Variants in NAA50 observed in about 807,000 individuals in gnomAD.
NAA50 encodes the protein N-alpha-acetyltransferase 50, NatE catalytic subunit, also known as N-alpha-acetyltransferase 50.
NAA50 carries 7 observed loss-of-function variants against 20.7 expected under a neutral mutation model. That is an observed-to-expected ratio of 0.34 (90% CI 0.19 to 0.63). The LOEUF (loss-of-function observed/expected upper bound fraction) is 0.63. NAA50 is among the 30% of genes least tolerant of loss of function. The probability of loss-of-function intolerance (pLI) is 0.75; values close to 1 mark genes in which losing one functional copy is unlikely to be tolerated. For synonymous variants in NAA50, 54 were observed against 70.6 expected (o/e 0.77, Z 1.18); for missense variants, 111 against 199.1 (o/e 0.56, Z 2.66).
rs1183754336 is a variant in NAA50 at position 113,722,930 on chromosome 3, T to C, written c.308A>G (p.Asp103Gly). Residue 103 changes from aspartate to glycine, a missense_variant, in exon 4 of 5, where the codon GAT (aspartate) becomes GGT (glycine). By Grantham distance (94) the Asp-to-Gly change is moderately conservative. Transcript: ENST00000240922. ...LNHVLNICEK[D>G]GTFDNIYLHV... ...CAGATAAATGTTGTCAAAAGTACCA[T>C]CTTTTTCACAGATGTTTAAGACATG... is the stretch of plus-strand genomic sequence containing the variant. 2 of 1,542,186 alleles carry C rather than the reference T, an allele frequency of 1.3e-6. No homozygotes were observed. Among genetic ancestry groups the C allele is most frequent in the Admixed American group, 1.9e-5 (1 of 53,504 alleles).
At chr3:113,726,428 T>A (rs986635646) in intron 1 of NAA50, among the ~76,000 whole-genome samples, 5 of 151,690 alleles carry the variant, frequency 3.3e-5, no homozygotes, top group African/African-American at 1.2e-4. Flanking sequence ...CCCCTCTTCA[T>A]AACACTTTTC....
chr3:113,727,763 G>A (rs952440342), intron 1 of NAA50, among the ~76,000 whole-genome samples: 6 of 151,666 alleles, frequency 4.0e-5, no homozygotes, highest in African/African-American at 1.5e-4. Flanking sequence ...GTATATACAC[G>A]CTTTAAACAA....
chr3:113,727,632 T>C (rs1708215776), intron 1 of NAA50, among the ~76,000 whole-genome samples: 1 of 138,982 alleles, frequency 7.2e-6, no homozygotes, highest in Non-Finnish European at 1.6e-5. Context: ...AATACATGCC[T>C]TTTTTTTTTT....
In NAA50 at chr3:113,746,134, G is replaced by A; in HGVS notation, c.-185C>T. On this transcript the variant is annotated 5_prime_UTR_variant, in exon 1 of 5. Transcript: ENST00000240922. ...GTGAGGGCTTGAGTCTGGTGGGGGCGGGAGTGTCTCCCGCCGCCGCGCTTG... is the reference window on the plus strand; with the variant it reads ...GTGAGGGCTTGAGTCTGGTGGGGGCAGGAGTGTCTCCCGCCGCCGCGCTTG... 3.0e-6 allele frequency: 2 copies of A among 664,706 alleles called. No homozygotes were observed. Among genetic ancestry groups the A allele is most frequent in the South Asian group, 4.1e-5 (2 of 48,532 alleles). 41.2% of individuals were successfully genotyped at this position (664,706 alleles called of 1,614,324 possible).
Position 113,721,927 on chromosome 3 carries a change from T to C in NAA50, c.343A>G (p.Ile115Val). ...AAGTCAATTGCCGACTCATTGCTGA[T>C]CTGGACATGCCTGAGATATAAGAGA... Reference protein sequence around the residue: ...TFDNIYLHVQISNESAIDFYR... With the variant: ...TFDNIYLHVQVSNESAIDFYR... The change falls in exon 5 of 5, where the codon ATC becomes GTC. Residue 115 changes from isoleucine (I) to valine (V), a missense_variant. Coordinates refer to ENST00000240922, the MANE Select transcript of NAA50 (RefSeq NM_025146.4). 1 of 1,613,672 alleles carries C rather than the reference T, an allele frequency of 6.2e-7. No individual in the cohort carries two copies. The highest frequency in any genetic ancestry group is 8.5e-7 in the Non-Finnish European group (1 of 1,179,750).
chr3:113,744,854 T>C (rs930227542), intron 1 of NAA50, among the ~76,000 whole-genome samples: 6 of 152,218 alleles, frequency 3.9e-5, no homozygotes, highest in Admixed American at 3.3e-4. Flanking sequence ...AGGTAATATT[T>C]AGGTCCTTGT....
In NAA50 at chr3:113,724,861, C is replaced by T. The variant is rs145114695; in HGVS notation, c.9-766G>A. 1.8e-3 allele frequency among the ~76,000 whole-genome samples: 267 copies of T among 152,290 alleles called. 2 individuals carry two copies. Among genetic ancestry groups the T allele is most frequent in the African/African-American group, 6.2e-3 (259 of 41,574 alleles). On this transcript the variant is annotated intron_variant, in intron 1 of 4. Transcript: ENST00000240922. ...TTTATAAGGAGGCTTTCCTTCACTTCGCTCTCATTTCTCCTTCCTGCCACC... is the reference window on the plus strand; with the variant it reads ...TTTATAAGGAGGCTTTCCTTCACTTTGCTCTCATTTCTCCTTCCTGCCACC...
rs1708058265 is a variant in NAA50 at position 113,716,973 on chromosome 3, CTTGCTGCTA to C, written c.*4778_*4786del. On this transcript the variant is annotated 3_prime_UTR_variant, in exon 5 of 5. Coordinates refer to ENST00000240922, the MANE Select transcript of NAA50 (RefSeq NM_025146.4). The stretch of plus-strand genomic sequence containing the variant: ...GCTCCCAACTATTTCTGAATCAGAT[CTTGCTGCTA>C]TTTTTTTCTTATTCTAGAAGCTACT... 6.6e-6 allele frequency: 1 copy of C among 152,180 alleles called. No individual in the cohort carries two copies. Among genetic ancestry groups the C allele is most frequent in the South Asian group, 2.1e-4 (1 of 4,830 alleles). 9.4% of individuals were successfully genotyped at this position (152,180 alleles called of 1,614,324 possible).
chr3:113,722,894 T>C lies in NAA50; in HGVS notation c.332+12A>G, dbSNP rs200247477. 820 of 1,518,010 alleles carry C rather than the reference T, an allele frequency of 5.4e-4. No individual in the cohort carries two copies. Among genetic ancestry groups the C allele is most frequent in the Non-Finnish European group, 7.1e-4 (798 of 1,121,630 alleles). 94.0% of individuals were successfully genotyped at this position (1,518,010 alleles called of 1,614,324 possible). On this transcript the variant is annotated intron_variant, in intron 4 of 4. Coordinates refer to ENST00000240922, the MANE Select transcript of NAA50 (RefSeq NM_025146.4). ...CCCCTTTGATAAGAACATTAAATAT[T>C]ATTTTACTTACAGATAAATGTTGTC... is the stretch of plus-strand genomic sequence containing the variant.
chr3:113,730,551 T>C (rs1708259155), intron 1 of NAA50, among the ~76,000 whole-genome samples: 1 of 152,190 alleles, frequency 6.6e-6, no homozygotes, highest in African/African-American at 2.4e-5. Flanking sequence ...CATGTAACCA[T>C]TACCAAAATA....
At chr3:113,734,916 C>T (rs970836400) in intron 1 of NAA50, among the ~76,000 whole-genome samples, 9 of 152,084 alleles carry the variant, frequency 5.9e-5, no homozygotes, top group Non-Finnish European at 1.0e-4. Context: ...ATAATGCAGT[C>T]TAAATGTTAC....
intron 1 of NAA50, among the ~76,000 whole-genome samples, chr3:113,740,642 T>C (rs1708402101): frequency 6.6e-6 from 1 of 152,194 alleles, no homozygotes; most frequent in Non-Finnish European, 1.5e-5. Context: ...TCCCAAAGTG[T>C]CGGGATTACG....
At chr3:113,731,785 A>G (rs1217128282) in intron 1 of NAA50, among the ~76,000 whole-genome samples, 1 of 152,198 alleles carries the variant, frequency 6.6e-6, no homozygotes, top group Non-Finnish European at 1.5e-5. Context: ...CTGTTTTAAC[A>G]CGTCAGCAGT....
chr3:113,735,403 T>C (rs1708325203), intron 1 of NAA50, among the ~76,000 whole-genome samples: 1 of 152,226 alleles, frequency 6.6e-6, no homozygotes, highest in African/African-American at 2.4e-5. Flanking sequence ...CTAAATTAAA[T>C]TTCCCACGGC....
chr3:113,728,334 G>A (rs1708226665), intron 1 of NAA50, among the ~76,000 whole-genome samples: 1 of 152,124 alleles, frequency 6.6e-6, no homozygotes. Context: ...AAATATTTGA[G>A]TATCTATGTG....
intron 1 of NAA50, among the ~76,000 whole-genome samples, chr3:113,735,584 A>C (rs922579628): frequency 6.6e-6 from 1 of 152,196 alleles, no homozygotes; most frequent in Middle Eastern, 3.2e-3. Context: ...GACTATCTTA[A>C]TTTATCAGTA....
chr3:113,722,953 A>G lies in NAA50; in HGVS notation c.285T>C (p.His95=). ...CATCTTTTTCACAGATGTTTAAGAC[A>G]TGATTTAACATTTTAGTTCCTGTTA... ...RLGIGTKMLN[H]VLNICEKDGT... Residue 95 remains histidine (H), a synonymous_variant, in exon 4 of 5, where the codon CAT becomes CAC. Transcript: ENST00000240922. The G allele has an allele frequency of 1.3e-6, 2 of 1,538,910 alleles. No homozygotes were observed. Among genetic ancestry groups the G allele is most frequent in the Non-Finnish European group, 1.8e-6 (2 of 1,133,792 alleles).
At chr3:113,730,295 T>G (rs1189087357) in intron 1 of NAA50, among the ~76,000 whole-genome samples, 1 of 152,078 alleles carries the variant, frequency 6.6e-6, no homozygotes, top group African/African-American at 2.4e-5. Flanking sequence ...AGTGAGACTG[T>G]TCAAAAAAAG....
intron 1 of NAA50, among the ~76,000 whole-genome samples, chr3:113,725,115 T>C (rs1708185199): frequency 6.6e-6 from 1 of 152,072 alleles, no homozygotes; most frequent in African/African-American, 2.4e-5. Flanking sequence ...AAGCGAAAAA[T>C]TTTCAGTTCC....
Sources: gnomAD v4.1 joint callset for allele counts (sites outside exome capture counted in the v4.1 genomes callset) on GRCh38, gnomAD v4.1.1 for gene constraint, MANE v1.5 for transcripts, NCBI Gene and HGNC (gene_info 2026-07-23, HGNC 2026-07-21) for gene names.